PACSIN2: variants seen among roughly 807,000 people sequenced by gnomAD.
PACSIN2 encodes protein kinase C and casein kinase substrate in neurons 2.
Under a neutral mutation model 63.8 loss-of-function variants are expected in PACSIN2, and 25 were observed. The observed-to-expected ratio is 0.39, with a 90% confidence interval of 0.29 to 0.55. The LOEUF (loss-of-function observed/expected upper bound fraction) is 0.55. PACSIN2 is among the 20% of genes least tolerant of loss of function. The pLI is 0.62. For missense variants in PACSIN2, 518 were observed against 646.9 expected (o/e 0.80, Z 2.16); for synonymous variants, 255 against 256.2 (o/e 1.00, Z 0.05).
chr22:42,890,538 T>C (rs909108990), intron 4 of PACSIN2, among the ~76,000 whole-genome samples: 1 of 151,756 alleles, frequency 6.6e-6, no homozygotes, highest in African/African-American at 2.4e-5. Flanking sequence ...GCCAACATGG[T>C]GAAACCCCGT....
chr22:42,920,612 A>C (rs1932119104), intron 1 of PACSIN2, among the ~76,000 whole-genome samples: 1 of 151,980 alleles, frequency 6.6e-6, no homozygotes, highest in Non-Finnish European at 1.5e-5. Flanking sequence ...ACAAGGCCGC[A>C]CCGCCCATGG....
chr22:43,012,202 CA>C (rs928133355), intron 1 of PACSIN2, among the ~76,000 whole-genome samples: 1 of 121,992 alleles, frequency 8.2e-6, no homozygotes, highest in African/African-American at 3.4e-5. Flanking sequence ...TACATACATA[CA>C]AACATACAAA....
intron 1 of PACSIN2, among the ~76,000 whole-genome samples, chr22:42,941,773 G>A (rs957343651): frequency 2.9e-4 from 44 of 151,952 alleles, no homozygotes; most frequent in African/African-American, 1.0e-3. Context: ...TTTTTGTTTT[G>A]TTTTGTTTTG....
chr22:42,871,443 C>G lies in PACSIN2; in HGVS notation c.1375G>C (p.Glu459Gln). ...AGDELTKMED[E>Q]DEQGWCKGRL... The stretch of plus-strand genomic sequence containing the variant: ...CCCTTGCACCAGCCCTGCTCATCCT[C>G]GTCCTCCATCTTGGTCAGCTCATCC... Residue 459 changes from glutamate to glutamine, a missense_variant, in exon 11 of 11, where the codon GAG becomes CAG. Physicochemically the swap from Glu to Gln is conservative, Grantham distance 29. This residue lies in a region of PACSIN2 where 507 missense variants were observed against 612.3 expected (regional missense o/e 0.83). Transcript: ENST00000263246. This position sits in a 1 kb window ranked among gnomAD's most constrained non-coding sequence, Gnocchi z 5.4. The G allele has an allele frequency of 6.2e-7, 1 of 1,614,158 alleles. No homozygotes were observed. Among genetic ancestry groups the G allele is most frequent in the Non-Finnish European group, 8.5e-7 (1 of 1,179,972 alleles).
chr22:42,949,218 C>T (rs1036729198), intron 1 of PACSIN2, among the ~76,000 whole-genome samples: 1 of 152,172 alleles, frequency 6.6e-6, no homozygotes, highest in Non-Finnish European at 1.5e-5. Flanking sequence ...GGTGGCTGAC[C>T]TACACAGAGT....
At chr22:42,940,658 AGCTGGT>A (rs1361289324) in intron 1 of PACSIN2, among the ~76,000 whole-genome samples, 1 of 152,162 alleles carries the variant, frequency 6.6e-6, no homozygotes, top group Non-Finnish European at 1.5e-5. Context: ...CTTCTCTTCA[AGCTGGT>A]GAAGCCCCTG....
rs149712547 is a variant in PACSIN2 at position 42,875,408 on chromosome 22, T to C, written c.1348+729A>G. On this transcript the variant is annotated intron_variant, in intron 10 of 10. Coordinates refer to ENST00000263246, the MANE Select transcript of PACSIN2 (RefSeq NM_001184970.3). ...TGTTTGCGACAGGGTCTCGCTCTGT[T>C]GTCCAGGTTGGAGTATAGTGGTACA... Among the ~76,000 whole-genome samples, 250 of 152,258 alleles carry C rather than the reference T, an allele frequency of 1.6e-3. 2 individuals carry two copies. The highest frequency in any genetic ancestry group is 5.8e-3 in the African/African-American group (240 of 41,534).
rs571137177 is a variant in PACSIN2, at chr22:42,871,204, G to A, written c.*153C>T. The stretch of plus-strand genomic sequence containing the variant: ...CTCGGAAAGGTGCCGAGTCCCAGGC[G>A]AAATGACCAGCTCATCTGCCTTCCA... On this transcript the variant is annotated 3_prime_UTR_variant, in exon 11 of 11. Coordinates refer to ENST00000263246, the MANE Select transcript of PACSIN2 (RefSeq NM_001184970.3). The surrounding 1 kb of genome is among the most constrained non-coding windows in gnomAD (Gnocchi z 5.4). The A allele has an allele frequency of 9.9e-5, 63 of 634,622 alleles. No homozygotes were observed. The South Asian group carries it at 1.1e-3, about 11-fold the overall frequency. The allele number at this position is 634,622 out of a possible 1,614,324, so 39.3% of individuals were successfully genotyped here.
chr22:42,938,803 G>A (rs1395334183), intron 1 of PACSIN2, among the ~76,000 whole-genome samples: 1 of 152,212 alleles, frequency 6.6e-6, no homozygotes, highest in Non-Finnish European at 1.5e-5. Context: ...AAGAGAAGAC[G>A]ACAAGGGAAG....
chr22:42,992,292 G>A (rs1025731220), intron 1 of PACSIN2, among the ~76,000 whole-genome samples: 2 of 152,156 alleles, frequency 1.3e-5, no homozygotes, highest in Non-Finnish European at 2.9e-5. Context: ...TGAGGATGTG[G>A]GGGAACTAGA....
chr22:42,893,267 C>CACAG (rs1343131002), intron 3 of PACSIN2, among the ~76,000 whole-genome samples, 190 bp downstream of exon 3: 2 of 152,230 alleles, frequency 1.3e-5, no homozygotes, highest in East Asian at 3.8e-4. Flanking sequence ...GCTCATGGAG[C>CACAG]CTGTGCCTTC....
At chr22:42,904,864 CAG>C (rs1462968331) in intron 2 of PACSIN2, among the ~76,000 whole-genome samples, 1 of 152,202 alleles carries the variant, frequency 6.6e-6, no homozygotes, top group Non-Finnish European at 1.5e-5. Context: ...CTGGGCACCC[CAG>C]CTCCGCCCCC....
chr22:42,912,008 G>A lies in PACSIN2; in HGVS notation c.60+13C>T, dbSNP rs1347703494. On this transcript the variant is annotated intron_variant, in intron 2 of 10. Coordinates refer to ENST00000263246, the MANE Select transcript of PACSIN2 (RefSeq NM_001184970.3). ...TGGCCACTTCATTCACTGGAAGAAA[G>A]CAGGTGCATTACCTCCCAGAAGCTG... is the stretch of plus-strand genomic sequence containing the variant. 1.3e-6 allele frequency: 2 copies of A among 1,588,434 alleles called. No homozygotes were observed. Among genetic ancestry groups the A allele is most frequent in the East Asian group, 2.3e-5 (1 of 44,172 alleles).
intron 1 of PACSIN2, among the ~76,000 whole-genome samples, chr22:42,979,784 T>G (rs1244411400): frequency 1.3e-5 from 2 of 152,162 alleles, no homozygotes; most frequent in African/African-American, 4.8e-5. Flanking sequence ...ACAAAATCCC[T>G]AAGTTATTAA....
intron 1 of PACSIN2, among the ~76,000 whole-genome samples, chr22:42,934,727 C>T (rs999976470): frequency 6.6e-6 from 1 of 152,154 alleles, no homozygotes; most frequent in Admixed American, 6.5e-5. Flanking sequence ...CATTATTTGG[C>T]CCCCATTCCT....
intron 2 of PACSIN2, among the ~76,000 whole-genome samples, chr22:42,902,151 A>G (rs1930735672): frequency 6.6e-6 from 1 of 152,236 alleles, no homozygotes; most frequent in Non-Finnish European, 1.5e-5. Flanking sequence ...TTATGGCCAG[A>G]AAAATAATGC....
At chr22:42,876,446 T>C (rs1602165125) in intron 9 of PACSIN2, 113 bp from the exon 10 acceptor site, 2 of 833,562 alleles carry the variant, frequency 2.4e-6, no homozygotes, top group East Asian at 2.5e-5. Context: ...TGAGGGCTCC[T>C]TCCGAAGGAG....
At position 42,981,275 on chromosome 22, in the gene PACSIN2, C is replaced by T. The variant is rs1261727609; in HGVS notation, c.-78+33746G>A. Among the ~76,000 whole-genome samples the T allele has an allele frequency of 2.0e-3, 267 of 132,402 alleles. 3 individuals are homozygous for T. The highest frequency in any genetic ancestry group is 0.016 in the Admixed American group (220 of 13,856). 86.9% of individuals were successfully genotyped at this position (132,402 alleles called of 152,430 possible). ...ACCGCCCCGTCTGAGAAGTGAGGAG[C>T]CCCTCCGTCCGGCAACCACCCCGTC... is the stretch of plus-strand genomic sequence containing the variant. On this transcript the variant is annotated intron_variant, in intron 1 of 10. Coordinates refer to ENST00000263246, the MANE Select transcript of PACSIN2 (RefSeq NM_001184970.3).
chr22:42,955,106 G>A (rs1239296735), intron 1 of PACSIN2, among the ~76,000 whole-genome samples: 1 of 152,074 alleles, frequency 6.6e-6, no homozygotes, highest in Non-Finnish European at 1.5e-5. Context: ...GGCAGAATAA[G>A]GTCCCAATAG....
Sources: allele counts gnomAD v4.1 joint callset (sites outside exome capture counted in the v4.1 genomes callset), GRCh38; gene constraint gnomAD v4.1.1; regional missense constraint gnomAD v4.1.1; non-coding constraint Gnocchi (gnomAD v3.1); transcripts MANE v1.5; gene names NCBI Gene and HGNC (gene_info 2026-07-23, HGNC 2026-07-21).